The following SETD1A variants were observed in gnomAD, a reference collection of about 807,000 sequenced individuals.
The protein encoded by SETD1A is histone-lysine N-methyltransferase SETD1A.
In SETD1A, 29 loss-of-function variants were observed where a neutral mutation model predicts 149.9. The ratio of observed to expected loss-of-function variants is 0.19; its 90% CI spans 0.14 to 0.26. The LOEUF (loss-of-function observed/expected upper bound fraction) is 0.26. Ranked by LOEUF, SETD1A falls within the 10% of genes least tolerant of loss-of-function variation. The probability of loss-of-function intolerance (pLI) is 1.00; values close to 1 mark genes in which losing one functional copy is unlikely to be tolerated. For missense variants in SETD1A, 2,109 were observed against 2,353.1 expected (o/e 0.90, Z 2.15); for synonymous variants, 1,141 against 968.5 (o/e 1.18, Z -3.31).
chr16:30,971,429 C>T lies in SETD1A; in HGVS notation c.3068C>T (p.Ser1023Leu). 6.2e-7 allele frequency: 1 copy of T among 1,612,298 alleles called. No individual in the cohort carries two copies. The highest frequency in any genetic ancestry group is 1.1e-5 in the South Asian group (1 of 90,958). Reference protein sequence around the residue: ...SSSKCSLYADSDGENDSTSDS... With the variant: ...SSSKCSLYADLDGENDSTSDS... Reference sequence around the variant, plus strand: ...TCCAAATGTTCTCTGTATGCTGACTCAGATGGCGAAAATGACAGCACATCA... The same window carrying T: ...TCCAAATGTTCTCTGTATGCTGACTTAGATGGCGAAAATGACAGCACATCA... The change falls in exon 13 of 19, where the codon TCA becomes TTA. Residue 1023 changes from serine to leucine, a missense_variant. Ser to Leu is a moderately radical substitution (Grantham distance 145). This residue lies in a region of SETD1A where 832 missense variants were observed against 815.6 expected (regional missense o/e 1.02). Coordinates refer to ENST00000262519, the MANE Select transcript of SETD1A (RefSeq NM_014712.3).
chr16:30,958,921 A>G, intron 2 of SETD1A, 40 bp downstream of exon 2: 1 of 1,611,026 alleles, frequency 6.2e-7, no homozygotes, highest in Non-Finnish European at 8.5e-7. Context: ...GGGGAGCTCC[A>G]GGCGCCCGTC....
chr16:30,969,403 A>G lies in SETD1A; in HGVS notation c.2869A>G (p.Lys957Glu). ...AGGCAAGACCCAGGGCAAGCACCGC[A>G]AGTCCTTTGCTCTGGACAGCGAAGG... is the stretch of plus-strand genomic sequence containing the variant. ...ERGKTQGKHR[K>E]SFALDSEGEE... is the part of the protein sequence containing the mutation. The change falls in exon 11 of 19, where the codon AAG becomes GAG. Residue 957 changes from lysine (K) to glutamate (E), a missense_variant. Coordinates refer to ENST00000262519, the MANE Select transcript of SETD1A (RefSeq NM_014712.3). The G allele has an allele frequency of 6.2e-7, 1 of 1,614,142 alleles. No homozygotes were observed. Among genetic ancestry groups the G allele is most frequent in the Non-Finnish European group, 8.5e-7 (1 of 1,180,002 alleles).
intron 2 of SETD1A, 72 bp from the exon 3 acceptor site, chr16:30,959,019 A>G: frequency 6.9e-7 from 1 of 1,444,474 alleles, no homozygotes; most frequent in Non-Finnish European, 9.7e-7. Context: ...GTGTGTGTCC[A>G]GATGGGCTGC....
chr16:30,966,795 C>G, intron 8 of SETD1A, 89 bp from the exon 9 acceptor site: 7 of 1,392,630 alleles, frequency 5.0e-6, no homozygotes, highest in Non-Finnish European at 4.8e-6. Flanking sequence ...TAGATGCGTT[C>G]TGTATTCCTG....
Position 30,964,966 on chromosome 16 carries a change from T to G in SETD1A, c.1224T>G (p.Ser408=). The G allele has an allele frequency of 6.2e-7, 1 of 1,614,040 alleles. No individual in the cohort carries two copies. The highest frequency in any genetic ancestry group is 8.5e-7 in the Non-Finnish European group (1 of 1,179,964). ...AENTAERFPP[S]YTSYLPPEPS... ...ATACAGCTGAGCGCTTCCCACCTTC[T>G]TACACCTCCTACCTGCCCCCCGAGC... The change falls in exon 7 of 19, where the codon TCT becomes TCG. Residue 408 remains serine (S), a synonymous_variant. Coordinates refer to ENST00000262519, the MANE Select transcript of SETD1A (RefSeq NM_014712.3).
intron 13 of SETD1A, among the ~76,000 whole-genome samples, chr16:30,973,596 A>G (rs1258470485): frequency 1.3e-5 from 2 of 152,172 alleles, no homozygotes; most frequent in Non-Finnish European, 2.9e-5. Flanking sequence ...TGGATGTTGC[A>G]GTGAGCAGAG....
At chr16:30,960,810 A>G (rs1596670142) in intron 3 of SETD1A, among the ~76,000 whole-genome samples, 1 of 122,372 alleles carries the variant, frequency 8.2e-6, no homozygotes, top group East Asian at 2.6e-4. Context: ...ATCTCGGCTT[A>G]GTGCAACCTC....
At chr16:30,967,472 A>G (rs1239130037) in intron 9 of SETD1A, 29 bp from the exon 10 acceptor site, 3 of 1,606,374 alleles carry the variant, frequency 1.9e-6, no homozygotes, top group African/African-American at 2.7e-5. Context: ...TGAGCTCTAA[A>G]CAGGCCCCAT....
chr16:30,980,221 CG>C lies in SETD1A; in HGVS notation c.4408+30del, dbSNP rs897143290. 2 of 1,571,128 alleles carry C rather than the reference CG, an allele frequency of 1.3e-6. No individual in the cohort carries two copies. The highest frequency in any genetic ancestry group is 3.5e-5 in the Admixed American group (2 of 56,422). On this transcript the variant is annotated intron_variant, in intron 14 of 18. Transcript: ENST00000262519. The surrounding 1 kb of genome is among the most constrained non-coding windows in gnomAD (Gnocchi z 7.7). ...TATCCTGAGTGTGGGCGGCCTTCCC[CG>C]GGCTTGGGTCCTCCCCCGACCCCTC...
rs941288916 is a variant in SETD1A, at chr16:30,959,145, T to A, written c.205T>A (p.Ser69Thr). ...CCAAGACCCCCGTTGCCATGTCAGG[T>A]CCAAAAACAGAGACTTTTCCCTCCC... ...DLQDPRCHVR[S>T]KNRDFSLPVP... Residue 69 changes from serine to threonine, a missense_variant, in exon 3 of 19, where the codon TCC (serine) becomes ACC (threonine). Around this residue, in one of 8 missense-constraint regions of SETD1A, gnomAD observed 75 missense variants for 95.3 expected, o/e 0.79. Transcript: ENST00000262519. The A allele has an allele frequency of 6.2e-7, 1 of 1,613,668 alleles. No individual in the cohort carries two copies. Among genetic ancestry groups the A allele is most frequent in the Admixed American group, 1.7e-5 (1 of 59,988 alleles).
intron 13 of SETD1A, among the ~76,000 whole-genome samples, chr16:30,976,283 G>T (rs571066448): frequency 6.6e-4 from 100 of 152,308 alleles, no homozygotes; most frequent in African/African-American, 2.4e-3. Flanking sequence ...TTCTGGGGAG[G>T]CTGAGTCGGG....
At chr16:30,972,382 A>T (rs1476113425) in intron 13 of SETD1A, among the ~76,000 whole-genome samples, 1 of 152,248 alleles carries the variant, frequency 6.6e-6, no homozygotes, top group Non-Finnish European at 1.5e-5. Context: ...TACGCCTGTA[A>T]TCCCAGCACT....
intron 3 of SETD1A, 74 bp downstream of exon 3, chr16:30,959,260 A>G: frequency 1.0e-6 from 1 of 970,840 alleles, no homozygotes; most frequent in South Asian, 1.3e-5. Flanking sequence ...CTATAGCTGA[A>G]TAAAAGGGTT....
intron 13 of SETD1A, among the ~76,000 whole-genome samples, chr16:30,976,234 A>C (rs1170215027): frequency 6.6e-6 from 1 of 152,136 alleles, no homozygotes; most frequent in East Asian, 1.9e-4. Flanking sequence ...ACAACAACAA[A>C]AAAAGCCAGG....
rs746239302 is a variant in SETD1A, at chr16:30,964,788, C to T, written c.1046C>T (p.Ser349Leu). Residue 349 changes from serine (S) to leucine (L), a missense_variant, in exon 7 of 19, where the codon TCG (serine) becomes TTG (leucine). Coordinates refer to ENST00000262519, the MANE Select transcript of SETD1A (RefSeq NM_014712.3). Reference protein sequence around the residue: ...ASSSSLSSSSSSSSSSSSSQF... With the variant: ...ASSSSLSSSSLSSSSSSSSQF... ...TCCTCCTCATTGTCCTCGTCCTCCT[C>T]GTCATCCTCTTCCTCCTCGTCCTCT... 37 of 1,614,122 alleles carry T rather than the reference C, an allele frequency of 2.3e-5. No homozygotes were observed. The highest frequency in any genetic ancestry group is 1.7e-4 in the Middle Eastern group (1 of 6,060).
chr16:30,978,206 G>A (rs538428507), intron 13 of SETD1A, among the ~76,000 whole-genome samples: 19 of 151,596 alleles, frequency 1.3e-4, no homozygotes, highest in African/African-American at 3.9e-4. Context: ...CCCGGGAGGC[G>A]GAGGTTGCAG....
chr16:30,972,210 C>T (rs747110782), intron 13 of SETD1A, among the ~76,000 whole-genome samples: 23 of 152,194 alleles, frequency 1.5e-4, no homozygotes, highest in Non-Finnish European at 2.8e-4. Flanking sequence ...CTCTTTCAAG[C>T]AGTAGATATT....
chr16:30,971,424 T>C lies in SETD1A; in HGVS notation c.3063T>C (p.Ala1021=). The change falls in exon 13 of 19, where the codon GCT becomes GCC. Residue 1021 remains alanine (A), a synonymous_variant. Coordinates refer to ENST00000262519, the MANE Select transcript of SETD1A (RefSeq NM_014712.3). ...SDSSSKCSLY[A]DSDGENDSTS... is the part of the protein sequence containing the mutation. The stretch of plus-strand genomic sequence containing the variant: ...CGTCTTCCAAATGTTCTCTGTATGC[T>C]GACTCAGATGGCGAAAATGACAGCA... 6.2e-7 allele frequency: 1 copy of C among 1,611,642 alleles called. No homozygotes were observed. Among genetic ancestry groups the C allele is most frequent in the South Asian group, 1.1e-5 (1 of 90,868 alleles).
At chr16:30,968,808 A>G (rs886202178) in intron 10 of SETD1A, among the ~76,000 whole-genome samples, 12 of 151,436 alleles carry the variant, frequency 7.9e-5, no homozygotes, top group South Asian at 2.2e-4. Flanking sequence ...TCAAAAAAAA[A>G]AATATATATA....
Sources: gnomAD v4.1 joint callset for allele counts (sites outside exome capture counted in the v4.1 genomes callset) on GRCh38, gnomAD v4.1.1 for gene constraint, gnomAD v4.1.1 regional missense constraint, Gnocchi (gnomAD v3.1) non-coding constraint, MANE v1.5 for transcripts, NCBI Gene and HGNC (gene_info 2026-07-23, HGNC 2026-07-21) for gene names.